Variants in NCKAP5 observed in about 807,000 individuals in gnomAD.
NCKAP5 encodes nck-associated protein 5.
Under a neutral mutation model 167.0 loss-of-function variants are expected in NCKAP5, and 92 were observed. That is an observed-to-expected ratio of 0.55 (90% CI 0.47 to 0.66). The LOEUF (loss-of-function observed/expected upper bound fraction) is 0.66, where lower values mean the gene tolerates loss of function less well. Among genes scored for constraint, NCKAP5 ranks in the 30% least tolerant of loss-of-function variants. NCKAP5 has a pLI of 0.00. For missense variants in NCKAP5, 2,378 were observed against 2,315.0 expected (o/e 1.03, Z -0.56); for synonymous variants, 891 against 877.4 (o/e 1.02, Z -0.27).
the NCKAP5 span, among the ~76,000 whole-genome samples, chr2:133,622,666 A>G: frequency 6.6e-6 from 1 of 152,202 alleles, no homozygotes; most frequent in Admixed American, 6.5e-5. Context: ...GATGACACAA[A>G]CAAACAGAAA....
rs576217271 is a variant in NCKAP5 at position 132,872,029 on chromosome 2, C to A, written c.649-3055G>T. Among the ~76,000 whole-genome samples, 3 of 152,362 alleles carry A rather than the reference C, an allele frequency of 2.0e-5. No homozygotes were observed. The South Asian group carries it at 6.2e-4, about 32-fold the overall frequency. On this transcript the variant is annotated intron_variant, in intron 9 of 19. Transcript: ENST00000409261. ...AACATTTGGGTTGCAAATAATCACA[C>A]ACCCATAGGCCCAGCTAGTGAGAAC... is the stretch of plus-strand genomic sequence containing the variant.
intron 3 of NCKAP5, among the ~76,000 whole-genome samples, chr2:133,486,973 C>T (rs905974922): frequency 2.6e-5 from 4 of 152,082 alleles, no homozygotes; most frequent in Admixed American, 1.3e-4. Flanking sequence ...TTGTATGAAT[C>T]GCACCCTGGA....
chr2:133,235,736 C>A (rs945332859), intron 4 of NCKAP5, among the ~76,000 whole-genome samples: 1 of 151,906 alleles, frequency 6.6e-6, no homozygotes, highest in East Asian at 1.9e-4. Context: ...GGAACCCCAT[C>A]AGTACTAAAA....
the NCKAP5 span, among the ~76,000 whole-genome samples, chr2:133,596,970 A>G: frequency 1.3e-5 from 2 of 152,218 alleles, no homozygotes; most frequent in Non-Finnish European, 2.9e-5. Context: ...TAGTTGCTGC[A>G]GGAGAGACAG....
chr2:133,087,396 T>C (rs35331541), intron 6 of NCKAP5, among the ~76,000 whole-genome samples: 40,129 of 152,106 alleles, frequency 0.26, 5,725 homozygotes, highest in Non-Finnish European at 0.32. Context: ...GGAGAATTTA[T>C]TGATAAAGAC....
At chr2:132,765,233 T>C (rs1214729357) in intron 16 of NCKAP5, among the ~76,000 whole-genome samples, 1 of 152,124 alleles carries the variant, frequency 6.6e-6, no homozygotes. Flanking sequence ...ATAGGAACTA[T>C]GCATAAATCA....
At chr2:133,455,596 C>A (rs1389910024) in intron 3 of NCKAP5, among the ~76,000 whole-genome samples, 2 of 152,050 alleles carry the variant, frequency 1.3e-5, no homozygotes, top group African/African-American at 4.8e-5. Flanking sequence ...TGTTTTTCTG[C>A]TCATTCAAAT....
At chr2:132,962,880 C>T (rs1441924168) in intron 8 of NCKAP5, among the ~76,000 whole-genome samples, 4 of 152,144 alleles carry the variant, frequency 2.6e-5, no homozygotes, top group African/African-American at 9.7e-5. Context: ...CGTGAGCCAC[C>T]GTGCCCAGCC....
intron 3 of NCKAP5, among the ~76,000 whole-genome samples, chr2:133,367,826 T>C (rs1167947835): frequency 6.6e-6 from 1 of 151,998 alleles, no homozygotes; most frequent in Non-Finnish European, 1.5e-5. Flanking sequence ...ACCAACTGAG[T>C]TGGGCCAAAT....
intron 12 of NCKAP5, among the ~76,000 whole-genome samples, chr2:132,796,320 G>T (rs1684602321): frequency 6.6e-6 from 1 of 152,066 alleles, no homozygotes; most frequent in South Asian, 2.1e-4. Context: ...GAATAATATG[G>T]GACGTGGGTT....
At chr2:133,220,197 TTTG>T (rs1343073649) in intron 4 of NCKAP5, among the ~76,000 whole-genome samples, 1 of 152,248 alleles carries the variant, frequency 6.6e-6, no homozygotes, top group African/African-American at 2.4e-5. Context: ...GCATCACTGT[TTTG>T]TTTTGTTTGT....
chr2:132,701,888 C>T (rs1037051185), intron 19 of NCKAP5, among the ~76,000 whole-genome samples: 5 of 152,064 alleles, frequency 3.3e-5, no homozygotes, highest in South Asian at 2.1e-4. Flanking sequence ...CAGAGGCAAC[C>T]GGATGGAACC....
chr2:133,528,053 T>C (rs1685067672), intron 2 of NCKAP5, among the ~76,000 whole-genome samples: 1 of 151,812 alleles, frequency 6.6e-6, no homozygotes. Context: ...TGACAGTAAG[T>C]CCCTGTCTCA....
chr2:133,575,628 A>G, the NCKAP5 span, among the ~76,000 whole-genome samples: 1 of 152,216 alleles, frequency 6.6e-6, no homozygotes, highest in African/African-American at 2.4e-5. Context: ...TACAATAGCA[A>G]TAGAATACAT....
chr2:132,808,580 T>C lies in NCKAP5; in HGVS notation c.808-11851A>G, dbSNP rs544352858. Reference sequence around the variant, plus strand: ...TTTACAGCAGCCTTAATTGATCTTTTGTATTTCAGTGGCGTCAGTTGTAAT... The same window carrying C: ...TTTACAGCAGCCTTAATTGATCTTTCGTATTTCAGTGGCGTCAGTTGTAAT... On this transcript the variant is annotated intron_variant, in intron 11 of 19. Coordinates refer to ENST00000409261, the MANE Select transcript of NCKAP5 (RefSeq NM_207363.3). Among the ~76,000 whole-genome samples the C allele has an allele frequency of 3.9e-5, 6 of 152,282 alleles. No homozygotes were observed. In the South Asian group the frequency reaches 1.2e-3, roughly 32 times the overall value.
At chr2:133,631,880 A>C in the NCKAP5 span, among the ~76,000 whole-genome samples, 2 of 152,172 alleles carry the variant, frequency 1.3e-5, no homozygotes, top group African/African-American at 4.8e-5. Context: ...GGGTGGAGAA[A>C]TGTCCATTTC....
chr2:133,257,447 A>G (rs1270203107), intron 4 of NCKAP5, among the ~76,000 whole-genome samples: 1 of 152,188 alleles, frequency 6.6e-6, no homozygotes, highest in Admixed American at 6.5e-5. Context: ...AAGCAGCTAA[A>G]TGCATTTATA....
chr2:132,988,372 GA>G (rs1367318522), intron 7 of NCKAP5, among the ~76,000 whole-genome samples: 6 of 149,394 alleles, frequency 4.0e-5, no homozygotes, highest in African/African-American at 1.5e-4. Context: ...TGAGGCAGGG[GA>G]ATTGTTTGAA....
intron 16 of NCKAP5, among the ~76,000 whole-genome samples, chr2:132,757,847 A>C (rs1251975384): frequency 6.6e-6 from 1 of 152,268 alleles, no homozygotes; most frequent in Non-Finnish European, 1.5e-5. Context: ...ATAGCTGACT[A>C]GAATCTGCAC....
Sources: gnomAD v4.1 joint callset for allele counts (sites outside exome capture counted in the v4.1 genomes callset) on GRCh38, gnomAD v4.1.1 for gene constraint, MANE v1.5 for transcripts, NCBI Gene and HGNC (gene_info 2026-07-23, HGNC 2026-07-21) for gene names.